Variants in SLC9C1 observed in about 807,000 individuals in gnomAD.
SLC9C1 encodes the protein sodium/hydrogen exchanger 10.
A neutral mutation model predicts 140.9 loss-of-function variants in SLC9C1; 97 were observed. That is an observed-to-expected ratio of 0.69 (90% confidence interval 0.58 to 0.82). The LOEUF (loss-of-function observed/expected upper bound fraction) is 0.82, where lower values mean the gene tolerates loss of function less well. Among genes scored for constraint, SLC9C1 ranks in the 40% least tolerant of loss-of-function variants. SLC9C1 has a pLI of 0.00. For missense variants in SLC9C1, 1,340 were observed against 1,389.3 expected, an observed-to-expected ratio of 0.96 and a Z score of 0.56; for synonymous variants, 440 against 442.6, an observed-to-expected ratio of 0.99 and a Z score of 0.07.
intron 14 of SLC9C1, among the ~76,000 whole-genome samples, chr3:112,218,874 G>C (rs1053413769): frequency 6.6e-6 from 1 of 152,204 alleles, no homozygotes; most frequent in Admixed American, 6.5e-5. Flanking sequence ...CATGTTCACT[G>C]TTTAGACCTG....
chr3:112,278,620 C>G (rs1182160763), intron 4 of SLC9C1, 109 bp downstream of exon 4: 3 of 1,198,960 alleles, frequency 2.5e-6, no homozygotes, highest in Admixed American at 5.1e-5. Flanking sequence ...ACTCCCATAC[C>G]CTTTTCTTTC....
intron 28 of SLC9C1, among the ~76,000 whole-genome samples, chr3:112,147,733 G>C (rs2074845345): frequency 6.6e-6 from 1 of 152,112 alleles, no homozygotes; most frequent in African/African-American, 2.4e-5. Context: ...ACTGACCCTG[G>C]ACAGTCTGGT....
chr3:112,235,938 G>A (rs1229275789), intron 12 of SLC9C1, among the ~76,000 whole-genome samples: 4 of 152,096 alleles, frequency 2.6e-5, no homozygotes, highest in Admixed American at 2.0e-4. Flanking sequence ...CTTGTTTTTT[G>A]TTGTGTCTCT....
At chr3:112,195,378 G>A (rs976247191) in intron 20 of SLC9C1, among the ~76,000 whole-genome samples, 10 of 152,054 alleles carry the variant, frequency 6.6e-5, no homozygotes, top group African/African-American at 2.2e-4. Context: ...CACATAGTTG[G>A]ATCATGTTTT....
chr3:112,200,059 A>G (rs1458527251), intron 19 of SLC9C1, among the ~76,000 whole-genome samples: 1 of 152,064 alleles, frequency 6.6e-6, no homozygotes, highest in African/African-American at 2.4e-5. Flanking sequence ...CCTGTCATAG[A>G]AGATCTCTCA....
At chr3:112,265,787 C>T (rs2079901678) in intron 8 of SLC9C1, among the ~76,000 whole-genome samples, 1 of 152,136 alleles carries the variant, frequency 6.6e-6, no homozygotes. Context: ...CCCCAGCTTA[C>T]TCTTCTGATT....
intron 12 of SLC9C1, among the ~76,000 whole-genome samples, chr3:112,234,184 T>A (rs917449125): frequency 9.8e-5 from 15 of 152,344 alleles, no homozygotes; most frequent in African/African-American, 3.4e-4. Flanking sequence ...CTAAGTGGTA[T>A]GAGATGGTAT....
intron 10 of SLC9C1, among the ~76,000 whole-genome samples, chr3:112,261,766 A>G (rs1222927377): frequency 6.6e-6 from 1 of 152,046 alleles, no homozygotes; most frequent in Non-Finnish European, 1.5e-5. Flanking sequence ...TTATTGTACA[A>G]TTGCTATATG....
At chr3:112,236,949 G>C (rs1420415123) in intron 12 of SLC9C1, among the ~76,000 whole-genome samples, 4 of 152,202 alleles carry the variant, frequency 2.6e-5, no homozygotes, top group Non-Finnish European at 5.9e-5. Flanking sequence ...CTGTTGGTTT[G>C]GGGTGGAGAG....
intron 14 of SLC9C1, among the ~76,000 whole-genome samples, chr3:112,218,820 A>C (rs2131233): frequency 0.3 from 45,649 of 152,086 alleles, 7,084 homozygotes; most frequent in East Asian, 0.36. Context: ...TTGCAGCACA[A>C]ATTACTGAGT....
intron 5 of SLC9C1, among the ~76,000 whole-genome samples, chr3:112,276,310 C>T (rs953421894): frequency 1.3e-5 from 2 of 151,828 alleles, no homozygotes; most frequent in Admixed American, 1.3e-4. Context: ...ACATGAAAAG[C>T]TCAAGCCAAT....
At chr3:112,239,574 T>C (rs1211128985) in intron 12 of SLC9C1, among the ~76,000 whole-genome samples, 6 of 152,180 alleles carry the variant, frequency 3.9e-5, no homozygotes, top group East Asian at 1.9e-4. Flanking sequence ...ACTGGAGCTG[T>C]TCCTATTTGG....
At chr3:112,229,448 A>G (rs2078763617) in intron 13 of SLC9C1, among the ~76,000 whole-genome samples, 2 of 152,114 alleles carry the variant, frequency 1.3e-5, no homozygotes, top group African/African-American at 2.4e-5. Flanking sequence ...CCTCATAAAT[A>G]TGTATAATTA....
At chr3:112,237,842 T>C (rs908908943) in intron 12 of SLC9C1, among the ~76,000 whole-genome samples, 8 of 152,220 alleles carry the variant, frequency 5.3e-5, no homozygotes, top group African/African-American at 1.9e-4. Context: ...AGTCTGATGG[T>C]CTTCCCTTTG....
chr3:112,239,445 G>A (rs1467637762), intron 12 of SLC9C1, among the ~76,000 whole-genome samples: 3 of 152,212 alleles, frequency 2.0e-5, no homozygotes, highest in Non-Finnish European at 4.4e-5. Flanking sequence ...CACACTGGGT[G>A]CACTGCACCC....
At chr3:112,268,115 C>T (rs1250344444) in intron 7 of SLC9C1, among the ~76,000 whole-genome samples, 1 of 152,044 alleles carries the variant, frequency 6.6e-6, no homozygotes, top group African/African-American at 2.4e-5. Flanking sequence ...ACTAGGGTTA[C>T]TTATTAAAAA....
chr3:112,205,348 A>T (rs1438320347), intron 16 of SLC9C1, among the ~76,000 whole-genome samples: 1 of 151,768 alleles, frequency 6.6e-6, no homozygotes, highest in East Asian at 1.9e-4. Context: ...CTTACAAGGG[A>T]CGTGAAGGAC....
intron 27 of SLC9C1, among the ~76,000 whole-genome samples, chr3:112,153,008 TGGACTTTTTATTATGTAAAG>T (rs1045885949): frequency 9.2e-5 from 14 of 152,170 alleles, no homozygotes; most frequent in African/African-American, 2.9e-4. Context: ...ACACCTTTGG[TGGACTTTTTATTATGTAAAG>T]GGAAAGCCAC....
chr3:112,161,327 A>G (rs2075291804), intron 26 of SLC9C1, among the ~76,000 whole-genome samples: 1 of 152,164 alleles, frequency 6.6e-6, no homozygotes, highest in Admixed American at 6.5e-5. Context: ...TTTGTGTTTT[A>G]GACATGAAGT....
Sources: allele counts gnomAD v4.1 joint callset (sites outside exome capture counted in the v4.1 genomes callset), GRCh38; gene constraint gnomAD v4.1.1; transcripts MANE v1.5; gene names NCBI Gene and HGNC (gene_info 2026-07-23, HGNC 2026-07-21).